The following SNTG1 variants were observed in gnomAD, a reference collection of about 807,000 sequenced individuals.
SNTG1 encodes syntrophin gamma 1.
In SNTG1, 39 loss-of-function variants were observed where a neutral mutation model predicts 74.7. The ratio of observed to expected loss-of-function variants is 0.52; its 90% CI spans 0.40 to 0.68. The LOEUF is 0.68. Ranked by LOEUF, SNTG1 falls within the 30% of genes least tolerant of loss-of-function variation. The pLI is 0.00. For synonymous variants in SNTG1, 254 were observed against 217.1 expected (o/e 1.17, Z -1.49); for missense variants, 685 against 609.5 (o/e 1.12, Z -1.30).
chr8:50,145,019 A>G (rs1001740799), intron 1 of SNTG1, among the ~76,000 whole-genome samples: 2 of 152,086 alleles, frequency 1.3e-5, no homozygotes, highest in African/African-American at 4.8e-5. Flanking sequence ...AGGAGATGAG[A>G]AGGAACACCA....
chr8:50,510,271 G>A (rs376075775), intron 9 of SNTG1, among the ~76,000 whole-genome samples: 2 of 152,176 alleles, frequency 1.3e-5, no homozygotes, highest in Admixed American at 6.5e-5. Context: ...AAGCCCACTT[G>A]ATCATGTTGG....
At position 50,632,700 on chromosome 8, in the gene SNTG1, A is replaced by C. The variant is rs2095009994; in HGVS notation, c.850-24209A>C. 2.0e-5 allele frequency among the ~76,000 whole-genome samples: 3 copies of C among 152,234 alleles called. No individual in the cohort carries two copies. In the South Asian group the frequency reaches 6.2e-4, roughly 31 times the overall value. On this transcript the variant is annotated intron_variant, in intron 13 of 18. Transcript: ENST00000642720. ...AATAAATAAGTAAAACAAGTAAATC[A>C]TGTATAGCTGTAAATCAAATATTTT...
intron 1 of SNTG1, among the ~76,000 whole-genome samples, chr8:49,936,590 T>C (rs1248239741): frequency 6.6e-6 from 1 of 152,222 alleles, no homozygotes; most frequent in East Asian, 1.9e-4. Context: ...TTTTACAATA[T>C]GCTCTGTTTT....
At chr8:50,419,716 A>G (rs941218574) in intron 4 of SNTG1, among the ~76,000 whole-genome samples, 2 of 152,228 alleles carry the variant, frequency 1.3e-5, no homozygotes, top group Non-Finnish European at 2.9e-5. Flanking sequence ...AACAGATATC[A>G]AATCTGAAAT....
chr8:50,751,536 TA>T (rs1415631182), intron 17 of SNTG1, among the ~76,000 whole-genome samples: 1 of 152,036 alleles, frequency 6.6e-6, no homozygotes, highest in Non-Finnish European at 1.5e-5. Context: ...GATGGCTCTA[TA>T]AAATGCTTAT....
intron 8 of SNTG1, among the ~76,000 whole-genome samples, chr8:50,489,827 G>A (rs2093834653): frequency 6.6e-6 from 1 of 152,152 alleles, no homozygotes. Context: ...TGGTGTTTTA[G>A]TCATGAAGTC....
At chr8:50,260,781 A>G (rs972317677) in intron 2 of SNTG1, among the ~76,000 whole-genome samples, 2 of 151,916 alleles carry the variant, frequency 1.3e-5, no homozygotes, top group African/African-American at 4.8e-5. Flanking sequence ...GAAAAGCAAG[A>G]AATTAAAAGT....
chr8:50,402,307 A>T lies in SNTG1; in HGVS notation c.125A>T (p.Asp42Val), dbSNP rs1352169856. Residue 42 changes from aspartate to valine, a missense_variant, in exon 4 of 19, where the codon GAT (aspartate) becomes GTT (valine). By Grantham distance (152) the Asp-to-Val change is radical (BLOSUM62 -3). Transcript: ENST00000642720. Reference sequence around the variant, plus strand: ...GACATTTTGATGATCCAGGAACAGGATGTGATATGTGTGTCTGGTGAGCCT... The same window carrying T: ...GACATTTTGATGATCCAGGAACAGGTTGTGATATGTGTGTCTGGTGAGCCT... ...AKDILMIQEQDVICVSGEPFY... is the reference protein window; with the variant it reads ...AKDILMIQEQVVICVSGEPFY... 3.7e-6 allele frequency: 6 copies of T among 1,612,200 alleles called. No individual in the cohort carries two copies. The highest frequency in any genetic ancestry group is 5.1e-6 in the Non-Finnish European group (6 of 1,179,592).
chr8:50,692,289 T>C (rs183603724), intron 15 of SNTG1, among the ~76,000 whole-genome samples: 1 of 152,352 alleles, frequency 6.6e-6, no homozygotes, highest in Non-Finnish European at 1.5e-5. Context: ...CCACTGCTGG[T>C]GAGGAGCTGC....
intron 2 of SNTG1, among the ~76,000 whole-genome samples, chr8:50,223,077 A>G (rs1188311078): frequency 1.3e-5 from 2 of 152,110 alleles, no homozygotes; most frequent in Non-Finnish European, 2.9e-5. Context: ...AATTTATATA[A>G]ATTTAAAATT....
At chr8:50,131,498 A>G (rs1414343091) in intron 1 of SNTG1, among the ~76,000 whole-genome samples, 1 of 152,018 alleles carries the variant, frequency 6.6e-6, no homozygotes, top group Non-Finnish European at 1.5e-5. Flanking sequence ...AAGTGACAGG[A>G]TTTACTTGTG....
At chr8:50,416,756 G>T (rs2093018713) in intron 4 of SNTG1, among the ~76,000 whole-genome samples, 1 of 152,098 alleles carries the variant, frequency 6.6e-6, no homozygotes, top group South Asian at 2.1e-4. Flanking sequence ...CATAAATGAA[G>T]ACTTTGACAT....
chr8:50,078,065 A>G (rs1264439406), intron 1 of SNTG1, among the ~76,000 whole-genome samples: 1 of 152,134 alleles, frequency 6.6e-6, no homozygotes, highest in Non-Finnish European at 1.5e-5. Flanking sequence ...TTGTCATGTC[A>G]TGTTTGTTGA....
At chr8:49,971,722 CAG>C (rs1482340801) in intron 1 of SNTG1, among the ~76,000 whole-genome samples, 1 of 152,074 alleles carries the variant, frequency 6.6e-6, no homozygotes, top group Non-Finnish European at 1.5e-5. Context: ...ACACCAATAA[CAG>C]ACAAACAGAG....
At chr8:50,079,932 G>A (rs1249371160) in intron 1 of SNTG1, among the ~76,000 whole-genome samples, 1 of 152,162 alleles carries the variant, frequency 6.6e-6, no homozygotes, top group Non-Finnish European at 1.5e-5. Flanking sequence ...TTAGTACTAT[G>A]CTGTTTTGGT....
intron 15 of SNTG1, among the ~76,000 whole-genome samples, chr8:50,691,656 A>G (rs980729003): frequency 2.0e-5 from 3 of 152,220 alleles, no homozygotes; most frequent in East Asian, 1.9e-4. Flanking sequence ...GGGTAACCCA[A>G]CCTTTCTCTC....
chr8:50,647,456 A>G (rs1322366305), intron 13 of SNTG1, among the ~76,000 whole-genome samples: 2 of 151,942 alleles, frequency 1.3e-5, no homozygotes, highest in Non-Finnish European at 2.9e-5. Context: ...ATATACATAT[A>G]TATGTATACA....
At chr8:50,697,236 G>T (rs897189420) in intron 15 of SNTG1, among the ~76,000 whole-genome samples, 1 of 151,894 alleles carries the variant, frequency 6.6e-6, no homozygotes, top group Non-Finnish European at 1.5e-5. Context: ...CTGCATTATT[G>T]TTGCTGTGTA....
intron 2 of SNTG1, among the ~76,000 whole-genome samples, chr8:50,297,407 C>A (rs1163745622): frequency 1.3e-5 from 2 of 152,128 alleles, no homozygotes; most frequent in African/African-American, 2.4e-5. Context: ...ATCTTAGCAA[C>A]CCCAGCACAC....
Sources: gnomAD v4.1 joint callset for allele counts (sites outside exome capture counted in the v4.1 genomes callset) on GRCh38, gnomAD v4.1.1 for gene constraint, MANE v1.5 for transcripts, NCBI Gene and HGNC (gene_info 2026-07-23, HGNC 2026-07-21) for gene names.